The following TBCD variants were observed in gnomAD, a reference collection of about 807,000 sequenced individuals.
TBCD encodes tubulin-specific chaperone D.
In TBCD, 105 loss-of-function variants were observed where a neutral mutation model predicts 169.3. The observed-to-expected ratio is 0.62, with a 90% CI of 0.53 to 0.73. TBCD has a LOEUF of 0.73. Among genes scored for constraint, TBCD ranks in the 30% least tolerant of loss-of-function variants. The pLI is 0.00. For synonymous variants in TBCD, 700 were observed against 643.9 expected, an observed-to-expected ratio of 1.09 and a Z score of -1.32; for missense variants, 1,444 against 1,600.1, an observed-to-expected ratio of 0.90 and a Z score of 1.66.
At position 82,789,281 on chromosome 17, in the gene TBCD, C is replaced by T. The variant is rs1201295407; in HGVS notation, c.771+7560C>T. ...CATTTTATGTGGGGCGGGCACAGTG[C>T]CGTGAGTCTTACAGAAACCTGCATG... On this transcript the variant is annotated intron_variant, in intron 7 of 38. Transcript: ENST00000355528. The surrounding 1 kb of genome is among the most constrained non-coding windows in gnomAD (Gnocchi z 4.8). Among the ~76,000 whole-genome samples the T allele has an allele frequency of 1.3e-5, 2 of 152,210 alleles. No homozygotes were observed. Among genetic ancestry groups the T allele is most frequent in the Non-Finnish European group, 2.9e-5 (2 of 68,040 alleles).
At chr17:82,758,354 A>G (rs1001186646) in intron 2 of TBCD, among the ~76,000 whole-genome samples, 5 of 136,178 alleles carry the variant, frequency 3.7e-5, no homozygotes, top group African/African-American at 1.3e-4. Context: ...ATTGTACTCC[A>G]GCCTGGGCAA....
chr17:82,773,720 TTTTC>T lies in TBCD; in HGVS notation c.638+1221_638+1224del, dbSNP rs200304994. ...GACCTGGTGCGAGAGTGTCTTTTCT[TTTTC>T]TTTCTTTTTTTTTTTTAATTGAGAT... is the stretch of plus-strand genomic sequence containing the variant. On this transcript the variant is annotated intron_variant, in intron 6 of 38. Transcript: ENST00000355528. Among the ~76,000 whole-genome samples the T allele has an allele frequency of 4.8e-4, 72 of 151,220 alleles. 1 individual carries two copies. The East Asian group carries it at 0.013, about 27-fold the overall frequency.
intron 13 of TBCD, among the ~76,000 whole-genome samples, chr17:82,815,229 A>G (rs2051784127): frequency 1.3e-5 from 2 of 152,232 alleles, no homozygotes; most frequent in African/African-American, 4.8e-5. Flanking sequence ...TTAATGCCAC[A>G]GATTACCCTG....
chr17:82,838,837 G>C (rs932261975), intron 13 of TBCD: 2 of 985,430 alleles, frequency 2.0e-6, no homozygotes, highest in African/African-American at 1.7e-5. Context: ...ACCTGAGCTC[G>C]TAAACAAACG....
chr17:82,794,273 C>G (rs527467267), intron 7 of TBCD, among the ~76,000 whole-genome samples: 7 of 152,116 alleles, frequency 4.6e-5, no homozygotes, highest in East Asian at 1.9e-4. Context: ...GAAGCTGGCT[C>G]GCACGTTGCA....
At chr17:82,909,160 G>A in intron 21 of TBCD, 125 bp from the exon 22 acceptor site, 5 of 726,778 alleles carry the variant, frequency 6.9e-6, no homozygotes, top group Non-Finnish European at 6.7e-6. Context: ...CCCCCTAGGC[G>A]GCTCTCCTGG....
intron 22 of TBCD, among the ~76,000 whole-genome samples, chr17:82,910,527 G>C (rs1442361643): frequency 1.3e-5 from 2 of 151,930 alleles, no homozygotes; most frequent in Non-Finnish European, 2.9e-5. Flanking sequence ...GGATCTGCCA[G>C]TGCTTTCTCC....
intron 7 of TBCD, among the ~76,000 whole-genome samples, chr17:82,786,663 C>T (rs1170465721): frequency 1.3e-5 from 2 of 152,086 alleles, no homozygotes; most frequent in African/African-American, 4.8e-5. Flanking sequence ...GAGAGGCAGC[C>T]TCCTGGTGAG....
chr17:82,925,432 G>A (rs1175815091), intron 27 of TBCD, among the ~76,000 whole-genome samples: 1 of 152,202 alleles, frequency 6.6e-6, no homozygotes, highest in Non-Finnish European at 1.5e-5. Flanking sequence ...CGGGGCAGAG[G>A]TGGTTCCACG....
intron 35 of TBCD, 196 bp from the exon 36 acceptor site, chr17:82,937,852 TC>T: frequency 6.7e-7 from 1 of 1,498,806 alleles, no homozygotes; most frequent in Non-Finnish European, 8.9e-7. Context: ...ACAGTGACTT[TC>T]CAAGTGCGAC....
intron 5 of TBCD, among the ~76,000 whole-genome samples, chr17:82,771,964 C>T (rs1046200277): frequency 6.6e-6 from 1 of 151,966 alleles, no homozygotes; most frequent in Non-Finnish European, 1.5e-5. Context: ...ATATATACAC[C>T]TACTATGTAC....
chr17:82,921,452 T>A (rs1268671933), intron 24 of TBCD, 49 bp from the exon 25 acceptor site: 1 of 1,482,072 alleles, frequency 6.7e-7, no homozygotes. Context: ...TGTTTTTGAT[T>A]TCATGGTGTT....
chr17:82,917,019 C>CTTTTTTTTTTTTTTTTTTTTT lies in TBCD; in HGVS notation c.2039-3533_2039-3532insTTTTTTTTTTTTTTTTTTTTT, dbSNP rs59331670. The stretch of plus-strand genomic sequence containing the variant: ...CAGTTTGGACTTTTTTTTTTCTTTT[C>CTTTTTTTTTTTTTTTTTTTTT]TTTTCTTTTTTTTTTTTTTGAGTTG... On this transcript the variant is annotated intron_variant, in intron 23 of 38. Transcript: ENST00000355528. Among the ~76,000 whole-genome samples, 3 of 108,518 alleles carry CTTTTTTTTTTTTTTTTTTTTT rather than the reference C, an allele frequency of 2.8e-5. 1 individual carries two copies. Among genetic ancestry groups the CTTTTTTTTTTTTTTTTTTTTT allele is most frequent in the Admixed American group, 1.2e-4 (1 of 8,640 alleles). The allele number at this position is 108,518 out of a possible 152,430, so 71.2% of individuals were successfully genotyped here. A position where few individuals can be genotyped will look rare whatever the true frequency, so the allele number is the denominator to read the frequency against.
intron 23 of TBCD, among the ~76,000 whole-genome samples, chr17:82,916,871 C>A (rs1380704783): frequency 6.6e-6 from 1 of 152,144 alleles, no homozygotes; most frequent in Admixed American, 6.5e-5. Flanking sequence ...GCCATGATCT[C>A]TTTGAACATT....
At chr17:82,939,607 C>T (rs2062943594) in intron 37 of TBCD, 131 bp downstream of exon 37, 1 of 737,874 alleles carries the variant, frequency 1.4e-6, no homozygotes, top group Non-Finnish European at 2.3e-6. Flanking sequence ...GTCTCCACAT[C>T]CTCTGCTTAG....
chr17:82,787,864 A>G (rs1289809939), intron 7 of TBCD, among the ~76,000 whole-genome samples: 1 of 152,214 alleles, frequency 6.6e-6, no homozygotes, highest in Non-Finnish European at 1.5e-5. Context: ...CTTTAAAAAC[A>G]CGCTTTGGTT....
intron 2 of TBCD, among the ~76,000 whole-genome samples, chr17:82,759,950 GT>G (rs1253796628): frequency 6.8e-6 from 1 of 147,488 alleles, no homozygotes; most frequent in African/African-American, 2.5e-5. Flanking sequence ...GCAGTGGCGT[GT>G]TCTTGGCTTA....
rs1467257791 is a variant in TBCD, at chr17:82,903,121, G to A, written c.1731-284G>A. ...ACTCACAACCTCAGAGTAGCGTGGG[G>A]GTGGGGAGGCCGGACACCCAATTGC... On this transcript the variant is annotated intron_variant, in intron 18 of 38. Coordinates refer to ENST00000355528, the MANE Select transcript of TBCD (RefSeq NM_005993.5). The surrounding 1 kb of genome is among the most constrained non-coding windows in gnomAD (Gnocchi z 4.8). 6.6e-6 allele frequency among the ~76,000 whole-genome samples: 1 copy of A among 152,256 alleles called. No homozygotes were observed. Among genetic ancestry groups the A allele is most frequent in the East Asian group, 1.9e-4 (1 of 5,166 alleles).
intron 14 of TBCD, among the ~76,000 whole-genome samples, chr17:82,882,669 A>G (rs2058441481): frequency 6.6e-6 from 1 of 152,078 alleles, no homozygotes; most frequent in South Asian, 2.1e-4. Flanking sequence ...AACAGGCTCG[A>G]GATGCTGTGA....
Sources: gnomAD v4.1 joint callset for allele counts (sites outside exome capture counted in the v4.1 genomes callset) on GRCh38, gnomAD v4.1.1 for gene constraint, Gnocchi (gnomAD v3.1) non-coding constraint, MANE v1.5 for transcripts, NCBI Gene and HGNC (gene_info 2026-07-23, HGNC 2026-07-21) for gene names.